The following SIK3 variants were observed in gnomAD, a reference collection of about 807,000 sequenced individuals.
The protein encoded by SIK3 is SIK family kinase 3.
Under a neutral mutation model 144.2 loss-of-function variants are expected in SIK3, and 28 were observed. That is an observed-to-expected ratio of 0.19 (90% CI 0.14 to 0.27). The LOEUF is 0.27. SIK3 is among the 10% of genes least tolerant of loss of function. The pLI is 1.00. For missense variants in SIK3, 1,319 were observed against 1,776.0 expected (o/e 0.74, Z 4.62); for synonymous variants, 686 against 676.3 (o/e 1.01, Z -0.22).
At chr11:116,969,437 G>A (rs1949690505) in intron 1 of SIK3, among the ~76,000 whole-genome samples, 2 of 151,478 alleles carry the variant, frequency 1.3e-5, no homozygotes, top group Non-Finnish European at 1.5e-5. Context: ...CTAGAAGGAA[G>A]TAAAATGTTA....
intron 1 of SIK3, among the ~76,000 whole-genome samples, chr11:117,054,542 G>C (rs1953422101): frequency 6.6e-6 from 1 of 152,210 alleles, no homozygotes. Context: ...AGATGGCCAA[G>C]AGGCCAGGAG....
chr11:116,856,029 C>G (rs1393665899), intron 21 of SIK3, among the ~76,000 whole-genome samples: 1 of 152,004 alleles, frequency 6.6e-6, no homozygotes, highest in Admixed American at 6.6e-5. Flanking sequence ...AACCCTGTCT[C>G]TACTAAAAAT....
Position 116,858,420 on chromosome 11 carries a change from G to A in SIK3, c.3045C>T (p.His1015=). The A allele has an allele frequency of 6.2e-7, 1 of 1,611,786 alleles. No individual in the cohort carries two copies. The highest frequency in any genetic ancestry group is 2.2e-5 in the East Asian group (1 of 44,870). The change falls in exon 21 of 25, where the codon CAC becomes CAT. Residue 1015 remains histidine, a synonymous_variant. Coordinates refer to ENST00000445177, the MANE Select transcript of SIK3 (RefSeq NM_001366686.3). This position sits in a 1 kb window ranked among gnomAD's most constrained non-coding sequence, Gnocchi z 5.4. The part of the protein sequence containing the change: ...PDYTRHQQVP[H]ILQGLLSPRH... ...GGGGAGAAAGCAGTCCTTGAAGGATGTGGGGTACCTGCTGGTGTCTTGTAT... is the reference window on the plus strand; with the variant it reads ...GGGGAGAAAGCAGTCCTTGAAGGATATGGGGTACCTGCTGGTGTCTTGTAT...
intron 6 of SIK3, among the ~76,000 whole-genome samples, chr11:116,894,235 T>C (rs1406558947): frequency 6.6e-6 from 1 of 152,038 alleles, no homozygotes; most frequent in Non-Finnish European, 1.5e-5. Context: ...TGTTCCAGAG[T>C]TTAATTCATG....
At chr11:116,855,558 T>C (rs148804910) in intron 21 of SIK3, 18 of 152,266 alleles carry the variant, frequency 1.2e-4, no homozygotes, top group African/African-American at 3.9e-4. Flanking sequence ...CTAGAGAAAA[T>C]AATTTTTGAA....
intron 1 of SIK3, among the ~76,000 whole-genome samples, chr11:116,971,665 A>G (rs1949767047): frequency 6.6e-6 from 1 of 152,210 alleles, no homozygotes; most frequent in Non-Finnish European, 1.5e-5. Context: ...TTTTATCTAT[A>G]TCTCTACCAA....
intron 1 of SIK3, among the ~76,000 whole-genome samples, chr11:117,001,371 C>A (rs577565838): frequency 5.9e-5 from 9 of 152,048 alleles, no homozygotes; most frequent in Non-Finnish European, 1.3e-4. Flanking sequence ...CCAGGCATGG[C>A]GGTGTGCACC....
intron 1 of SIK3, among the ~76,000 whole-genome samples, chr11:117,055,640 T>C (rs1189137430): frequency 2.0e-5 from 3 of 152,324 alleles, no homozygotes; most frequent in Middle Eastern, 3.4e-3. Context: ...CATAGGATGG[T>C]TGTAAAGATA....
chr11:116,873,743 G>A, intron 12 of SIK3, 107 bp from the exon 13 acceptor site: 2 of 1,467,472 alleles, frequency 1.4e-6, no homozygotes, highest in South Asian at 2.8e-5. Context: ...GGTCATGACA[G>A]AGACTAGAGG....
At chr11:116,857,720 C>T (rs1247927683) in intron 21 of SIK3, 90 bp downstream of exon 21, 3 of 1,493,740 alleles carry the variant, frequency 2.0e-6, no homozygotes, top group South Asian at 1.4e-5. Context: ...TTCTTAGGAA[C>T]ACAGAATACT....
intron 1 of SIK3, among the ~76,000 whole-genome samples, chr11:117,002,722 TA>T (rs1565544982): frequency 6.6e-6 from 1 of 152,200 alleles, no homozygotes; most frequent in African/African-American, 2.4e-5. Context: ...TTTAATATAA[TA>T]AAATGCTTGT....
intron 1 of SIK3, chr11:117,035,695 C>T: frequency 1.3e-6 from 1 of 790,200 alleles, no homozygotes; most frequent in Non-Finnish European, 2.1e-6. Flanking sequence ...GCTGGGACTA[C>T]AGGTGCATGC....
chr11:116,896,177 AC>A, intron 6 of SIK3, 75 bp downstream of exon 6: 1 of 1,581,858 alleles, frequency 6.3e-7, no homozygotes, highest in Non-Finnish European at 8.6e-7. Context: ...ATACTCCATC[AC>A]TAAATTCCTG....
chr11:117,079,879 C>T (rs975289418), intron 1 of SIK3, among the ~76,000 whole-genome samples: 2 of 151,946 alleles, frequency 1.3e-5, no homozygotes, highest in African/African-American at 4.8e-5. Context: ...TATTAAAAAG[C>T]TATTACAGGC....
At chr11:117,096,926 T>A (rs369344922) in intron 1 of SIK3, among the ~76,000 whole-genome samples, 14 of 152,322 alleles carry the variant, frequency 9.2e-5, no homozygotes, top group African/African-American at 3.4e-4. Flanking sequence ...CGGCAGCAGC[T>A]GTAAGGGTTC....
intron 6 of SIK3, among the ~76,000 whole-genome samples, chr11:116,886,052 C>T (rs536047082): frequency 3.3e-5 from 5 of 152,244 alleles, no homozygotes; most frequent in African/African-American, 1.2e-4. Context: ...TTTAGGGTTG[C>T]CATAAGCCAG....
chr11:117,093,989 T>C (rs1489958968), intron 1 of SIK3, among the ~76,000 whole-genome samples: 3 of 152,202 alleles, frequency 2.0e-5, no homozygotes, highest in Non-Finnish European at 4.4e-5. Context: ...ATTTACGTCA[T>C]GCTATTAGGG....
chr11:116,998,502 G>A (rs541419324), intron 1 of SIK3, among the ~76,000 whole-genome samples: 15 of 149,116 alleles, frequency 1.0e-4, no homozygotes, highest in Admixed American at 6.0e-4. Flanking sequence ...ATTGACAACC[G>A]CTCTTGGAAA....
chr11:116,860,811 C>A (rs542382701), intron 19 of SIK3, among the ~76,000 whole-genome samples: 1 of 152,282 alleles, frequency 6.6e-6, no homozygotes, highest in African/African-American at 2.4e-5. Context: ...GATCACGGGG[C>A]AGTTTCCTCC....
Sources: gnomAD v4.1 joint callset for allele counts (sites outside exome capture counted in the v4.1 genomes callset) on GRCh38, gnomAD v4.1.1 for gene constraint, Gnocchi (gnomAD v3.1) non-coding constraint, MANE v1.5 for transcripts, NCBI Gene and HGNC (gene_info 2026-07-23, HGNC 2026-07-21) for gene names.